Variants in MINDY4 observed in about 807,000 individuals in gnomAD.
The protein encoded by MINDY4 is MINDY lysine 48 deubiquitinase 4, also known as probable ubiquitin carboxyl-terminal hydrolase MINDY-4.
Under a neutral mutation model 87.0 loss-of-function variants are expected in MINDY4, and 68 were observed. The ratio of observed to expected loss-of-function variants is 0.78; its 90% confidence interval spans 0.64 to 0.96. The LOEUF is 0.96. MINDY4 is among the 40% of genes least tolerant of loss of function. The pLI, the probability that MINDY4 is intolerant of heterozygous loss-of-function variation, is 0.00. For missense variants in MINDY4, 919 were observed against 928.2 expected, an observed-to-expected ratio of 0.99 and a Z score of 0.13; for synonymous variants, 379 against 363.2, an observed-to-expected ratio of 1.04 and a Z score of -0.50.
Position 30,877,733 on chromosome 7 carries a change from G to A in MINDY4, c.1971+2077G>A, listed in dbSNP as rs1790312482. On this transcript the variant is annotated intron_variant, in intron 15 of 17. Coordinates refer to ENST00000265299, the MANE Select transcript of MINDY4 (RefSeq NM_032222.3). ...GTCTCACTCTGTCACCCATGCTGGA[G>A]TGATCTCAGCTCACTGCAACCTCTG... Among the ~76,000 whole-genome samples, 11 of 140,142 alleles carry A rather than the reference G, an allele frequency of 7.8e-5. No homozygotes were observed. In the Admixed American group the frequency reaches 8.0e-4, roughly 10 times the overall value. The allele number at this position is 140,142 out of a possible 152,430, so 91.9% of individuals were successfully genotyped here.
intron 10 of MINDY4, among the ~76,000 whole-genome samples, chr7:30,851,817 G>A (rs1584315636): frequency 6.6e-6 from 1 of 152,214 alleles, no homozygotes; most frequent in Non-Finnish European, 1.5e-5. Context: ...TGCACACCCA[G>A]GGGGAGCCTC....
chr7:30,863,132 G>A (rs1789820037), intron 13 of MINDY4, among the ~76,000 whole-genome samples: 1 of 152,170 alleles, frequency 6.6e-6, no homozygotes, highest in Non-Finnish European at 1.5e-5. Context: ...GGGCCTTCCT[G>A]TTCTGGGGTT....
At chr7:30,840,311 T>C (rs180807491) in intron 8 of MINDY4, among the ~76,000 whole-genome samples, 56 of 152,294 alleles carry the variant, frequency 3.7e-4, no homozygotes, top group African/African-American at 1.3e-3. Context: ...GCAGAGCTCA[T>C]GTAACCACAG....
intron 9 of MINDY4, among the ~76,000 whole-genome samples, chr7:30,849,639 C>T (rs896374677): frequency 3.3e-5 from 5 of 152,206 alleles, no homozygotes; most frequent in Non-Finnish European, 2.9e-5. Context: ...CCTCTGCCTC[C>T]GCTGATTCCT....
intron 1 of MINDY4, 116 bp from the exon 2 acceptor site, chr7:30,778,316 G>T: frequency 9.0e-6 from 12 of 1,326,238 alleles, no homozygotes; most frequent in Non-Finnish European, 1.3e-5. Context: ...GATGTCAAGT[G>T]TAAAGGTTAT....
At chr7:30,857,469 T>G (rs1584323085) in intron 12 of MINDY4, among the ~76,000 whole-genome samples, 2 of 57,190 alleles carry the variant, frequency 3.5e-5, no homozygotes, top group South Asian at 8.4e-4. Flanking sequence ...TTGTTTTTTT[T>G]TTTTTTTTTT....
intron 2 of MINDY4, 88 bp downstream of exon 2, chr7:30,778,639 G>C (rs76968836): frequency 2.0e-6 from 3 of 1,473,278 alleles, no homozygotes; most frequent in African/African-American, 2.8e-5. Flanking sequence ...TGACAGGAGA[G>C]GCTTGAGGTT....
chr7:30,877,412 A>G (rs144499524), intron 15 of MINDY4, among the ~76,000 whole-genome samples: 3,196 of 152,250 alleles, frequency 0.021, 58 homozygotes, highest in Middle Eastern at 0.044. Context: ...AGGCCCTACA[A>G]CCATCTCCCC....
intron 13 of MINDY4, among the ~76,000 whole-genome samples, chr7:30,861,637 G>A (rs1789770496): frequency 3.3e-5 from 5 of 152,382 alleles, no homozygotes; most frequent in Admixed American, 2.6e-4. Flanking sequence ...TAAAGTGGGA[G>A]TGGGAATTCC....
intron 11 of MINDY4, among the ~76,000 whole-genome samples, chr7:30,852,723 C>G (rs1789451261): frequency 6.6e-6 from 1 of 152,170 alleles, no homozygotes; most frequent in Non-Finnish European, 1.5e-5. Flanking sequence ...AAGTCATACA[C>G]AATCGGGGAA....
chr7:30,873,254 C>G (rs544593465), intron 14 of MINDY4, among the ~76,000 whole-genome samples: 11 of 152,328 alleles, frequency 7.2e-5, no homozygotes, highest in Non-Finnish European at 1.3e-4. Context: ...CACTCTCACT[C>G]CAGGCATCTG....
chr7:30,880,311 C>CCCA lies in MINDY4; in HGVS notation c.1972-1870_1972-1869insCCA, dbSNP rs1240814762. On this transcript the variant is annotated intron_variant, in intron 15 of 17. Transcript: ENST00000265299. ...TGTGGCCCTCCCCCGCACCCCCCCC[C>CCCA]ACCCCCGACTGCGGCCTTGCCCCAA... Among the ~76,000 whole-genome samples the CCCA allele has an allele frequency of 2.5e-3, 373 of 149,444 alleles. 3 individuals are homozygous for CCCA. The highest frequency in any genetic ancestry group is 8.9e-3 in the African/African-American group (356 of 39,920).
Position 30,850,446 on chromosome 7 carries a change from G to C in MINDY4, c.1446-8G>C. On this transcript the variant is annotated splice_polypyrimidine_tract_variant and splice_region_variant and intron_variant, in intron 9 of 17. Coordinates refer to ENST00000265299, the MANE Select transcript of MINDY4 (RefSeq NM_032222.3). The stretch of plus-strand genomic sequence containing the variant: ...TGGGCATAAATGCCTTCCTTTTCTT[G>C]TCCGCAGGGGACTGCAGCCTTCAGA... 2 of 1,608,578 alleles carry C rather than the reference G, an allele frequency of 1.2e-6. No individual in the cohort carries two copies. Among genetic ancestry groups the C allele is most frequent in the East Asian group, 2.2e-5 (1 of 44,680 alleles).
At chr7:30,845,518 T>TA (rs78323541) in intron 9 of MINDY4, among the ~76,000 whole-genome samples, 202 of 129,912 alleles carry the variant, frequency 1.6e-3, no homozygotes, top group Middle Eastern at 3.8e-3. Context: ...TGATCCAGCT[T>TA]AAAAAAAAAA....
intron 5 of MINDY4, among the ~76,000 whole-genome samples, chr7:30,812,850 AC>A (rs1287175563): frequency 6.6e-6 from 1 of 151,602 alleles, no homozygotes; most frequent in Non-Finnish European, 1.5e-5. Flanking sequence ...CTTTGATTCC[AC>A]CCCCATCGTG....
chr7:30,783,262 C>T (rs564280510), intron 3 of MINDY4, among the ~76,000 whole-genome samples: 1 of 152,226 alleles, frequency 6.6e-6, no homozygotes, highest in African/African-American at 2.4e-5. Flanking sequence ...TCACTCTAGC[C>T]TCTGCTTGTG....
At chr7:30,800,943 C>A (rs191438690) in intron 5 of MINDY4, among the ~76,000 whole-genome samples, 1 of 152,306 alleles carries the variant, frequency 6.6e-6, no homozygotes, top group East Asian at 1.9e-4. Flanking sequence ...AGTCTCGTTG[C>A]CCTTGTTGCA....
rs200111157 is a variant in MINDY4, at chr7:30,882,350, G to A, written c.2141G>A (p.Arg714Gln). 605 of 1,596,152 alleles carry A rather than the reference G, an allele frequency of 3.8e-4. 6 individuals carry two copies. The East Asian group carries it at 9.7e-3, about 26-fold the overall frequency. ...DGLANQQEQIRLTIDTTQTIS... is the reference protein window; with the variant it reads ...DGLANQQEQIQLTIDTTQTIS... ...CTGGCCAACCAGCAGGAGCAGATCC[G>A]GCTGACCATTGGTGCGGGCCCTCAC... Residue 714 changes from arginine (R) to glutamine (Q), a missense_variant, in exon 16 of 18, where the codon CGG becomes CAG. Transcript: ENST00000265299.
intron 7 of MINDY4, among the ~76,000 whole-genome samples, chr7:30,837,790 C>T (rs756055480): frequency 6.6e-6 from 1 of 152,202 alleles, no homozygotes; most frequent in African/African-American, 2.4e-5. Flanking sequence ...GGCACGTGGC[C>T]TCTGGAAAGC....
Sources: allele counts gnomAD v4.1 joint callset (sites outside exome capture counted in the v4.1 genomes callset), GRCh38; gene constraint gnomAD v4.1.1; transcripts MANE v1.5; gene names NCBI Gene and HGNC (gene_info 2026-07-23, HGNC 2026-07-21).